The following KCNQ5 variants were observed in gnomAD, a reference collection of about 807,000 sequenced individuals.
KCNQ5 encodes potassium voltage-gated channel subfamily KQT member 5.
KCNQ5 carries 30 observed loss-of-function variants against 98.2 expected under a neutral mutation model. The ratio of observed to expected loss-of-function variants is 0.31; its 90% CI spans 0.23 to 0.41. KCNQ5 has a LOEUF of 0.41. KCNQ5 is among the 10% of genes least tolerant of loss of function. The pLI, the probability that KCNQ5 is intolerant of heterozygous loss-of-function variation, is 1.00. For synonymous variants in KCNQ5, 458 were observed against 449.4 expected (o/e 1.02, Z -0.24); for missense variants, 835 against 1,182.5 (o/e 0.71, Z 4.31).
intron 2 of KCNQ5, among the ~76,000 whole-genome samples, chr6:73,030,901 A>G (rs1419724639): frequency 6.6e-6 from 1 of 152,164 alleles, no homozygotes; most frequent in Non-Finnish European, 1.5e-5. Flanking sequence ...TGACAGCTCA[A>G]CAGTTGAGCT....
intron 1 of KCNQ5, among the ~76,000 whole-genome samples, chr6:72,937,800 C>T (rs940349725): frequency 6.6e-6 from 1 of 152,118 alleles, no homozygotes; most frequent in Non-Finnish European, 1.5e-5. Context: ...AAAATCAATA[C>T]AGGGTTAAAG....
chr6:73,065,051 GAA>G (rs67509032), intron 3 of KCNQ5, among the ~76,000 whole-genome samples: 8 of 148,886 alleles, frequency 5.4e-5, no homozygotes, highest in African/African-American at 2.0e-4. Flanking sequence ...TGTAGCATGA[GAA>G]AAAAAAAAAA....
chr6:72,891,622 T>G (rs1048165427), intron 1 of KCNQ5, among the ~76,000 whole-genome samples: 24 of 152,130 alleles, frequency 1.6e-4, no homozygotes, highest in East Asian at 1.5e-3. Flanking sequence ...AATGAATGCC[T>G]CAAAAATAAT....
intron 1 of KCNQ5, among the ~76,000 whole-genome samples, chr6:72,969,016 G>T (rs1275417308): frequency 6.6e-6 from 1 of 152,002 alleles, no homozygotes. Flanking sequence ...AGCCAACTTG[G>T]GTTTCCTAAG....
intron 3 of KCNQ5, among the ~76,000 whole-genome samples, chr6:73,049,059 C>T (rs1324349122): frequency 6.6e-6 from 1 of 152,132 alleles, no homozygotes; most frequent in Non-Finnish European, 1.5e-5. Flanking sequence ...GTGGTGCCTG[C>T]AATTTGCCAG....
intron 5 of KCNQ5, among the ~76,000 whole-genome samples, chr6:73,094,602 G>A (rs527963090): frequency 2.0e-5 from 3 of 152,166 alleles, no homozygotes; most frequent in Non-Finnish European, 2.9e-5. Context: ...AGCAGTTCTT[G>A]TAGTGGTGGC....
In KCNQ5 at chr6:72,676,710, T is replaced by C. The variant is rs558523673; in HGVS notation, c.398+54123T>C. Among the ~76,000 whole-genome samples, 68 of 152,334 alleles carry C rather than the reference T, an allele frequency of 4.5e-4. 1 individual carries two copies. The highest frequency in any genetic ancestry group is 2.7e-3 in the South Asian group (13 of 4,834). ...TTATATCTATTTTTGCTTTTTTCCA[T>C]ACATTTGACATTTTCTTTAAAATCT... On this transcript the variant is annotated intron_variant, in intron 1 of 13. Transcript: ENST00000370398.
chr6:72,635,101 A>G, intron 1 of KCNQ5, among the ~76,000 whole-genome samples: 1 of 149,836 alleles, frequency 6.7e-6, no homozygotes, highest in African/African-American at 2.5e-5. Context: ...ATCACAGCTC[A>G]CTGCAGCCTC....
intron 1 of KCNQ5, among the ~76,000 whole-genome samples, chr6:72,941,726 T>C (rs865928357): frequency 3.7e-4 from 15 of 40,164 alleles, no homozygotes; most frequent in East Asian, 2.2e-3. Flanking sequence ...CTTTCTTTCT[T>C]TCTTTCTTTC....
At chr6:73,166,440 T>TA (rs5877356) in intron 10 of KCNQ5, among the ~76,000 whole-genome samples, 183 of 138,778 alleles carry the variant, frequency 1.3e-3, no homozygotes, top group East Asian at 0.013. Flanking sequence ...TGTCTCAAAA[T>TA]AAAAAAAAAA....
intron 7 of KCNQ5, among the ~76,000 whole-genome samples, chr6:73,119,400 C>T (rs1395551003): frequency 6.6e-6 from 1 of 152,206 alleles, no homozygotes; most frequent in Non-Finnish European, 1.5e-5. Context: ...TTAATTCACA[C>T]TTTGATGGTG....
At chr6:72,735,750 G>T (rs112218542) in intron 1 of KCNQ5, among the ~76,000 whole-genome samples, 1 of 151,796 alleles carries the variant, frequency 6.6e-6, no homozygotes, top group Non-Finnish European at 1.5e-5. Context: ...TTATTTTTAA[G>T]AATTTTATAA....
intron 2 of KCNQ5, among the ~76,000 whole-genome samples, chr6:73,004,869 G>A (rs1047972543): frequency 5.3e-5 from 8 of 152,110 alleles, no homozygotes; most frequent in Admixed American, 5.2e-4. Context: ...ACGGTAAGAT[G>A]GTTTATGTGC....
chr6:73,177,334 A>G (rs1483968609), intron 11 of KCNQ5, among the ~76,000 whole-genome samples: 2 of 152,216 alleles, frequency 1.3e-5, no homozygotes, highest in East Asian at 1.9e-4. Flanking sequence ...AGGCTCATCA[A>G]CTCTTCTAAA....
intron 1 of KCNQ5, among the ~76,000 whole-genome samples, chr6:72,875,576 C>A (rs552804618): frequency 1.3e-5 from 2 of 152,112 alleles, no homozygotes; most frequent in Admixed American, 6.6e-5. Flanking sequence ...GCAGAAACTT[C>A]TTTCATTCTT....
intron 3 of KCNQ5, among the ~76,000 whole-genome samples, chr6:73,073,367 A>C (rs1374976028): frequency 6.6e-6 from 1 of 152,200 alleles, no homozygotes; most frequent in African/African-American, 2.4e-5. Flanking sequence ...GGCACTATTG[A>C]CATTTGGGGC....
Position 72,837,155 on chromosome 6 carries a change from G to A in KCNQ5, c.399-166753G>A, listed in dbSNP as rs189806392. 2.4e-3 allele frequency among the ~76,000 whole-genome samples: 361 copies of A among 152,182 alleles called. 1 individual carries two copies. Among genetic ancestry groups the A allele is most frequent in the African/African-American group, 7.3e-3 (301 of 41,514 alleles). On this transcript the variant is annotated intron_variant, in intron 1 of 13. Transcript: ENST00000370398. ...CAAATTTTCAAATTAATAAAATTAC[G>A]TCATTATTCATTTGTTCATTCATTC...
chr6:72,911,321 A>G (rs1779933532), intron 1 of KCNQ5, among the ~76,000 whole-genome samples: 1 of 152,148 alleles, frequency 6.6e-6, no homozygotes, highest in Non-Finnish European at 1.5e-5. Flanking sequence ...TAATGTCCTT[A>G]TGAAAAGAGG....
intron 1 of KCNQ5, among the ~76,000 whole-genome samples, chr6:72,778,941 T>C (rs1773308542): frequency 6.6e-6 from 1 of 152,186 alleles, no homozygotes; most frequent in African/African-American, 2.4e-5. Context: ...AATTTGGTAA[T>C]GAAGAGGACA....
Sources: allele counts gnomAD v4.1 joint callset (sites outside exome capture counted in the v4.1 genomes callset), GRCh38; gene constraint gnomAD v4.1.1; transcripts MANE v1.5; gene names NCBI Gene and HGNC (gene_info 2026-07-23, HGNC 2026-07-21).